CAPN13: variants seen among roughly 807,000 people sequenced by gnomAD.
CAPN13 encodes the protein calpain 13, also known as calpain-13.
In CAPN13, 90 loss-of-function variants were observed where a neutral mutation model predicts 98.4. That is an observed-to-expected ratio of 0.92 (90% CI 0.77 to 1.09). CAPN13 has a LOEUF of 1.09. Among genes scored for constraint, CAPN13 ranks in the 50% least tolerant of loss-of-function variants. The pLI, the probability that CAPN13 is intolerant of heterozygous loss-of-function variation, is 0.00. For synonymous variants in CAPN13, 330 were observed against 305.5 expected (o/e 1.08, Z -0.84); for missense variants, 887 against 841.3 (o/e 1.05, Z -0.67).
rs1406303208 is a variant in CAPN13 at position 30,738,266 on chromosome 2, T to C, written c.1622A>G (p.Asp541Gly). 6.2e-7 allele frequency: 1 copy of C among 1,613,816 alleles called. No homozygotes were observed. The highest frequency in any genetic ancestry group is 8.5e-7 in the Non-Finnish European group (1 of 1,179,854). The stretch of plus-strand genomic sequence containing the variant: ...CAGAGCCACCAAGCTGCGGCACTCA[T>C]CTAAGGAGAACATGTCCCCTGGAGG... ...TGPPGDMFSL[D>G]ECRSLVALME... Residue 541 changes from aspartate (D) to glycine (G), a missense_variant, in exon 17 of 23, where the codon GAT becomes GGT. Physicochemically the swap from Asp to Gly is moderately conservative, Grantham distance 94. Transcript: ENST00000295055.
In CAPN13 at chr2:30,797,936, C is replaced by T. The variant is rs115131169; in HGVS notation, c.-33+9366G>A. Among the ~76,000 whole-genome samples the T allele has an allele frequency of 5.4e-3, 816 of 152,340 alleles. 8 individuals carry two copies. The highest frequency in any genetic ancestry group is 0.019 in the African/African-American group (775 of 41,584). On this transcript the variant is annotated intron_variant, in intron 1 of 22. Coordinates refer to ENST00000295055, the MANE Select transcript of CAPN13 (RefSeq NM_144575.3). ...CCTCCTCTGCTTACCCTGTCCTACA[C>T]GATGGCCAGGTGTCCCTGAGGCCAA... is the stretch of plus-strand genomic sequence containing the variant.
chr2:30,801,649 A>C (rs1457466909), intron 1 of CAPN13, among the ~76,000 whole-genome samples: 1 of 150,860 alleles, frequency 6.6e-6, no homozygotes, highest in African/African-American at 2.5e-5. Context: ...AGAAAAAGAA[A>C]ATGGAAAAAT....
At chr2:30,748,899 C>T (rs749082289) in intron 11 of CAPN13, among the ~76,000 whole-genome samples, 3 of 152,108 alleles carry the variant, frequency 2.0e-5, no homozygotes, top group Non-Finnish European at 2.9e-5. Context: ...GAGAGCAGAA[C>T]ACGAAAGCTC....
rs62139466 is a variant in CAPN13 at position 30,787,421 on chromosome 2, G to A, written c.-32-64C>T. On this transcript the variant is annotated intron_variant, in intron 1 of 22. Transcript: ENST00000295055. ...TCAAGTCCTTTGCATCATCAAATGT[G>A]AGCCCCAGATGGGCACTCTGATATA... is the stretch of plus-strand genomic sequence containing the variant. 7.6e-3 allele frequency: 9,946 copies of A among 1,302,208 alleles called. 55 individuals carry two copies. The highest frequency in any genetic ancestry group is 9.6e-3 in the Non-Finnish European group (9,161 of 959,204). The allele number at this position is 1,302,208 out of a possible 1,614,324, so 80.7% of individuals were successfully genotyped here. A position where few individuals can be genotyped will look rare whatever the true frequency, so the allele number is the denominator to read the frequency against.
At chr2:30,758,804 C>CTTCCT (rs1465606843) in intron 7 of CAPN13, among the ~76,000 whole-genome samples, 2 of 83,420 alleles carry the variant, frequency 2.4e-5, no homozygotes, top group Non-Finnish European at 4.7e-5. Context: ...TCCTTCCTCC[C>CTTCCT]TCCCTTCCCT....
At chr2:30,755,249 T>C (rs1334982771) in intron 8 of CAPN13, among the ~76,000 whole-genome samples, 1 of 152,100 alleles carries the variant, frequency 6.6e-6, no homozygotes, top group African/African-American at 2.4e-5. Flanking sequence ...TGGGAAGCCT[T>C]GCTTGGCCCC....
At chr2:30,744,723 G>C (rs1361119252) in intron 12 of CAPN13, among the ~76,000 whole-genome samples, 1 of 152,148 alleles carries the variant, frequency 6.6e-6, no homozygotes, top group Non-Finnish European at 1.5e-5. Context: ...TGTGAGTGTG[G>C]GGGAACAACG....
chr2:30,803,083 T>A (rs1206977243), intron 1 of CAPN13, among the ~76,000 whole-genome samples: 1 of 152,202 alleles, frequency 6.6e-6, no homozygotes, highest in African/African-American at 2.4e-5. Context: ...GACTGTATCT[T>A]AAGTTCCTGC....
chr2:30,746,324 A>G (rs940968692), intron 11 of CAPN13: 8 of 153,596 alleles, frequency 5.2e-5, no homozygotes, highest in Admixed American at 4.6e-4. Flanking sequence ...TTGCACTCTA[A>G]CTTTCATGAC....
chr2:30,741,774 A>C, intron 15 of CAPN13, 134 bp downstream of exon 15: 2 of 1,521,904 alleles, frequency 1.3e-6, no homozygotes, highest in Non-Finnish European at 1.8e-6. Context: ...ACGATCCAGG[A>C]AGAGAGGCAG....
chr2:30,786,763 T>C (rs757827868), intron 2 of CAPN13, among the ~76,000 whole-genome samples: 10 of 152,140 alleles, frequency 6.6e-5, no homozygotes, highest in Non-Finnish European at 1.2e-4. Context: ...TACTGACACC[T>C]GAAGAGAAGA....
Position 30,724,970 on chromosome 2 carries a change from T to A in CAPN13, c.*31-1734A>T, listed in dbSNP as rs139048846. ...CATATTTCACCTAAATCCTGCAGAA[T>A]AGGAGAAGGTGGCCCTTTCCTCAAG... On this transcript the variant is annotated intron_variant, in intron 22 of 22. Coordinates refer to ENST00000295055, the MANE Select transcript of CAPN13 (RefSeq NM_144575.3). 5.9e-5 allele frequency among the ~76,000 whole-genome samples: 9 copies of A among 152,320 alleles called. No individual in the cohort carries two copies. In the East Asian group the frequency reaches 1.7e-3, roughly 29 times the overall value.
intron 1 of CAPN13, among the ~76,000 whole-genome samples, chr2:30,796,585 A>T (rs1373570589): frequency 6.6e-6 from 1 of 152,140 alleles, no homozygotes; most frequent in Non-Finnish European, 1.5e-5. Context: ...TTAATAGTGG[A>T]AATCAAGAGC....
intron 1 of CAPN13, among the ~76,000 whole-genome samples, chr2:30,795,973 C>T (rs1207697377): frequency 6.6e-6 from 1 of 151,514 alleles, no homozygotes; most frequent in East Asian, 1.9e-4. Context: ...ATATCAAAAT[C>T]TGAAATAGAC....
chr2:30,784,206 A>T (rs1017547074), intron 2 of CAPN13, among the ~76,000 whole-genome samples: 1 of 151,906 alleles, frequency 6.6e-6, no homozygotes, highest in Non-Finnish European at 1.5e-5. Flanking sequence ...AAAGCAGAAC[A>T]TGAGAAGAAA....
Position 30,763,112 on chromosome 2 carries a change from G to T in CAPN13, c.744C>A (p.Leu248=), listed in dbSNP as rs1353255939. The T allele has an allele frequency of 6.2e-7, 1 of 1,611,480 alleles. No individual in the cohort carries two copies. Among genetic ancestry groups the T allele is most frequent in the South Asian group, 1.1e-5 (1 of 89,948 alleles). ...CAGCCCCAGTCACAGTGTAGGCATG[G>T]AGACTCACCAGCCCATTCTCCATCG... ...AQAMENGLVS[L]HAYTVTGAEQ... is the part of the protein sequence containing the mutation. The change falls in exon 7 of 23, where the codon CTC becomes CTA. Residue 248 remains leucine (L), a synonymous_variant. Coordinates refer to ENST00000295055, the MANE Select transcript of CAPN13 (RefSeq NM_144575.3).
intron 1 of CAPN13, among the ~76,000 whole-genome samples, chr2:30,791,936 T>C (rs1325543695): frequency 6.6e-6 from 1 of 152,210 alleles, no homozygotes; most frequent in Non-Finnish European, 1.5e-5. Flanking sequence ...ATAAATCACC[T>C]AAATTACATC....
At chr2:30,758,821 C>CTCCCTCCCT (rs1364194301) in intron 7 of CAPN13, among the ~76,000 whole-genome samples, 2 of 81,884 alleles carry the variant, frequency 2.4e-5, no homozygotes, top group Non-Finnish European at 4.7e-5. Flanking sequence ...CCCTTCCTCC[C>CTCCCTCCCT]TTCCTTCCTC....
chr2:30,764,095 G>C (rs1362949572), intron 6 of CAPN13, 37 bp downstream of exon 6: 33 of 1,539,596 alleles, frequency 2.1e-5, no homozygotes, highest in Non-Finnish European at 2.9e-5. Context: ...GCTGAGGAAA[G>C]CTTGAACTGG....
Sources: allele counts gnomAD v4.1 joint callset (sites outside exome capture counted in the v4.1 genomes callset), GRCh38; gene constraint gnomAD v4.1.1; transcripts MANE v1.5; gene names NCBI Gene and HGNC (gene_info 2026-07-23, HGNC 2026-07-21).